The following INSYN2B variants were observed in gnomAD, a reference collection of about 807,000 sequenced individuals.
INSYN2B encodes the protein protein INSYN2B.
A neutral mutation model predicts 41.2 loss-of-function variants in INSYN2B; 16 were observed. The ratio of observed to expected loss-of-function variants is 0.39; its 90% confidence interval spans 0.26 to 0.59. The LOEUF is 0.59. INSYN2B is among the 20% of genes least tolerant of loss of function. INSYN2B has a pLI of 0.57. For missense variants in INSYN2B, 608 were observed against 646.4 expected (o/e 0.94, Z 0.64); for synonymous variants, 245 against 244.4 (o/e 1.00, Z -0.02).
intron 1 of INSYN2B, among the ~76,000 whole-genome samples, chr5:169,938,418 T>TAG (rs1463176931): frequency 6.6e-6 from 1 of 152,202 alleles, no homozygotes; most frequent in African/African-American, 2.4e-5. Flanking sequence ...GGCTATAAGG[T>TAG]AGAGCCTATT....
At chr5:169,959,584 C>G (rs1377838179) in intron 1 of INSYN2B, among the ~76,000 whole-genome samples, 1 of 152,090 alleles carries the variant, frequency 6.6e-6, no homozygotes, top group Non-Finnish European at 1.5e-5. Flanking sequence ...ATCTTGCAAG[C>G]AGAGGTCACT....
chr5:169,871,781 G>T (rs747186210), intron 3 of INSYN2B, among the ~76,000 whole-genome samples: 1 of 152,208 alleles, frequency 6.6e-6, no homozygotes, highest in Non-Finnish European at 1.5e-5. Context: ...ACCTAAACTA[G>T]GGCTGGGGTG....
At chr5:169,931,479 A>G (rs1005841040) in intron 1 of INSYN2B, among the ~76,000 whole-genome samples, 1 of 152,254 alleles carries the variant, frequency 6.6e-6, no homozygotes, top group African/African-American at 2.4e-5. Context: ...AGTTCCTGGC[A>G]TATAAAATTA....
chr5:169,870,805 C>T (rs1421976615), intron 3 of INSYN2B, among the ~76,000 whole-genome samples: 1 of 152,092 alleles, frequency 6.6e-6, no homozygotes, highest in African/African-American at 2.4e-5. Context: ...AGCAAGTTGG[C>T]AAAGGGAAGT....
At chr5:169,962,147 A>C (rs186075654) in intron 1 of INSYN2B, among the ~76,000 whole-genome samples, 131 of 152,012 alleles carry the variant, frequency 8.6e-4, no homozygotes, top group Non-Finnish European at 1.4e-3. Context: ...GAGTAATAGG[A>C]CTGGGTTTTT....
At chr5:169,893,379 A>G (rs1343546476) in intron 1 of INSYN2B, among the ~76,000 whole-genome samples, 1 of 151,528 alleles carries the variant, frequency 6.6e-6, no homozygotes, top group Non-Finnish European at 1.5e-5. Context: ...GCTTAATATT[A>G]TCTCTGTATT....
chr5:169,938,422 G>C (rs1776087080), intron 1 of INSYN2B, among the ~76,000 whole-genome samples: 1 of 152,176 alleles, frequency 6.6e-6, no homozygotes, highest in Non-Finnish European at 1.5e-5. Context: ...ATAAGGTAGA[G>C]CCTATTGCTC....
intron 1 of INSYN2B, among the ~76,000 whole-genome samples, chr5:169,917,695 C>T (rs1327264874): frequency 6.6e-6 from 1 of 152,120 alleles, no homozygotes. Context: ...GAACATGTCC[C>T]TAGGGTAGGT....
chr5:169,908,745 C>G (rs1412873501), intron 1 of INSYN2B, among the ~76,000 whole-genome samples: 1 of 135,712 alleles, frequency 7.4e-6, no homozygotes, highest in Non-Finnish European at 1.5e-5. Flanking sequence ...GACCGAGTCT[C>G]ACTCTGTCGC....
At chr5:169,877,025 A>G (rs1427165880) in intron 3 of INSYN2B, among the ~76,000 whole-genome samples, 4 of 152,232 alleles carry the variant, frequency 2.6e-5, no homozygotes, top group Admixed American at 2.6e-4. Context: ...ATGAGGGCTC[A>G]TGGCATGGGG....
intron 1 of INSYN2B, among the ~76,000 whole-genome samples, chr5:169,925,604 AAG>A (rs2113664990): frequency 6.6e-6 from 1 of 150,838 alleles, no homozygotes; most frequent in Admixed American, 6.6e-5. Context: ...AAAAAAAAAA[AAG>A]CATTGTCCTG....
intron 1 of INSYN2B, among the ~76,000 whole-genome samples, chr5:169,945,436 G>C (rs1211281117): frequency 6.6e-6 from 1 of 152,244 alleles, no homozygotes; most frequent in Non-Finnish European, 1.5e-5. Flanking sequence ...CAACAGAAAT[G>C]CTAACAAGTG....
intron 1 of INSYN2B, among the ~76,000 whole-genome samples, chr5:169,898,734 C>T (rs1268983595): frequency 2.6e-5 from 4 of 152,046 alleles, no homozygotes; most frequent in Non-Finnish European, 4.4e-5. Flanking sequence ...TCAACTCTAC[C>T]GTTGTAGCCT....
intron 1 of INSYN2B, among the ~76,000 whole-genome samples, chr5:169,896,621 C>G (rs1171636583): frequency 1.3e-5 from 2 of 152,154 alleles, no homozygotes; most frequent in Non-Finnish European, 2.9e-5. Flanking sequence ...AACTTTGGCT[C>G]CTATTATGAT....
chr5:169,976,997 C>G (rs1040034762), intron 1 of INSYN2B, among the ~76,000 whole-genome samples: 1 of 152,220 alleles, frequency 6.6e-6, no homozygotes, highest in Admixed American at 6.5e-5. Flanking sequence ...TATTGCACAG[C>G]AGGATGTCCT....
chr5:169,913,624 G>C (rs1173019809), intron 1 of INSYN2B, among the ~76,000 whole-genome samples: 1 of 152,156 alleles, frequency 6.6e-6, no homozygotes, highest in Non-Finnish European at 1.5e-5. Flanking sequence ...GTATGCTCTT[G>C]GCTTTCTGGG....
At chr5:169,933,219 A>G (rs1775837992) in intron 1 of INSYN2B, among the ~76,000 whole-genome samples, 2 of 152,240 alleles carry the variant, frequency 1.3e-5, no homozygotes, top group South Asian at 4.1e-4. Flanking sequence ...CATGGAAATC[A>G]GGTTCTGTTT....
chr5:169,899,730 A>T (rs1581382820), intron 1 of INSYN2B, among the ~76,000 whole-genome samples: 1 of 152,278 alleles, frequency 6.6e-6, no homozygotes, highest in South Asian at 2.1e-4. Context: ...GTTCCTTTCC[A>T]TTCCTTGTTG....
chr5:169,904,566 C>A (rs534216064), intron 1 of INSYN2B, among the ~76,000 whole-genome samples: 1 of 152,018 alleles, frequency 6.6e-6, no homozygotes, highest in African/African-American at 2.4e-5. Flanking sequence ...AGAGTGCTGG[C>A]GACCTCAGCA....
Sources: gnomAD v4.1 joint callset for allele counts (sites outside exome capture counted in the v4.1 genomes callset) on GRCh38, gnomAD v4.1.1 for gene constraint, MANE v1.5 for transcripts, NCBI Gene and HGNC (gene_info 2026-07-23, HGNC 2026-07-21) for gene names.